Variants in RERG observed in about 807,000 individuals in gnomAD.
RERG encodes ras-related and estrogen-regulated growth inhibitor.
Under a neutral mutation model 23.2 loss-of-function variants are expected in RERG, and 25 were observed. The ratio of observed to expected loss-of-function variants is 1.08; its 90% CI spans 0.79 to 1.50. RERG has a LOEUF of 1.50. RERG is among the 40% of genes most tolerant of loss of function. The pLI is 0.00. For missense variants in RERG, 253 were observed against 250.1 expected, an observed-to-expected ratio of 1.01 and a Z score of -0.08; for synonymous variants, 81 against 89.1, an observed-to-expected ratio of 0.91 and a Z score of 0.51.
chr12:15,137,980 C>A, intron 2 of RERG: 1 of 371,470 alleles, frequency 2.7e-6, no homozygotes, highest in South Asian at 2.1e-5. Flanking sequence ...ATTTTTGTTG[C>A]CCAAGAAAGT....
chr12:15,215,268 G>A (rs1865424529), intron 2 of RERG, among the ~76,000 whole-genome samples: 1 of 152,194 alleles, frequency 6.6e-6, no homozygotes, highest in African/African-American at 2.4e-5. Context: ...TCAGCTTTGG[G>A]TGTGAGTAGC....
At chr12:15,177,532 A>C (rs1022990227) in intron 2 of RERG, among the ~76,000 whole-genome samples, 6 of 152,254 alleles carry the variant, frequency 3.9e-5, no homozygotes, top group African/African-American at 1.4e-4. Flanking sequence ...TGTTCATCTG[A>C]AATTCATACC....
chr12:15,181,064 C>A (rs1864916645), intron 2 of RERG, among the ~76,000 whole-genome samples: 1 of 152,092 alleles, frequency 6.6e-6, no homozygotes, highest in Non-Finnish European at 1.5e-5. Flanking sequence ...AGAAACCAAA[C>A]ACAGACATCA....
At chr12:15,215,120 G>T (rs1480906239) in intron 2 of RERG, among the ~76,000 whole-genome samples, 1 of 152,176 alleles carries the variant, frequency 6.6e-6, no homozygotes, top group Admixed American at 6.5e-5. Flanking sequence ...TGTATTCAAG[G>T]CAAATAGAGA....
chr12:15,139,014 C>CTTTTTTTTTTTTTTTTTT (rs34755371), intron 2 of RERG, among the ~76,000 whole-genome samples: 2 of 51,116 alleles, frequency 3.9e-5, no homozygotes, highest in African/African-American at 1.4e-4. Flanking sequence ...TGTGTCTAGA[C>CTTTTTTTTTTTTTTTTTT]TTTTTTTTTT....
At chr12:15,182,857 T>C (rs1864942738) in intron 2 of RERG, among the ~76,000 whole-genome samples, 1 of 152,096 alleles carries the variant, frequency 6.6e-6, no homozygotes, top group African/African-American at 2.4e-5. Context: ...GGTGGATCGC[T>C]TGAGGCCAGG....
chr12:15,190,164 A>G (rs1401900427), intron 2 of RERG, among the ~76,000 whole-genome samples: 1 of 152,166 alleles, frequency 6.6e-6, no homozygotes, highest in Non-Finnish European at 1.5e-5. Context: ...TAAGGGACAT[A>G]AGAAAGCATG....
At chr12:15,109,774 A>ATT (rs895180320) in intron 4 of RERG, among the ~76,000 whole-genome samples, 10 of 152,116 alleles carry the variant, frequency 6.6e-5, no homozygotes, top group Non-Finnish European at 1.5e-4. Context: ...TTTTCTTGCC[A>ATT]TATCATTAAA....
intron 3 of RERG, among the ~76,000 whole-genome samples, chr12:15,114,310 A>C (rs1863678919): frequency 6.6e-6 from 1 of 152,176 alleles, no homozygotes; most frequent in Non-Finnish European, 1.5e-5. Flanking sequence ...AAATAGGCTA[A>C]AGACTGGAGA....
At chr12:15,196,780 G>A (rs1057293406) in intron 2 of RERG, among the ~76,000 whole-genome samples, 7 of 152,120 alleles carry the variant, frequency 4.6e-5, no homozygotes, top group African/African-American at 9.7e-5. Context: ...CTGTACTAGA[G>A]AGGAAAGGCT....
intron 2 of RERG, among the ~76,000 whole-genome samples, chr12:15,204,512 T>C (rs1865258712): frequency 6.6e-6 from 1 of 151,816 alleles, no homozygotes; most frequent in Non-Finnish European, 1.5e-5. Flanking sequence ...ACTGGTCTTT[T>C]TCTCCTTCTA....
intron 2 of RERG, among the ~76,000 whole-genome samples, chr12:15,183,599 T>C (rs1864954173): frequency 6.6e-6 from 1 of 152,198 alleles, no homozygotes; most frequent in Non-Finnish European, 1.5e-5. Flanking sequence ...CCTCAAGTTA[T>C]GTAAAGTTTT....
At chr12:15,125,161 G>T (rs1017704866) in intron 2 of RERG, among the ~76,000 whole-genome samples, 3 of 151,978 alleles carry the variant, frequency 2.0e-5, no homozygotes, top group East Asian at 3.9e-4. Flanking sequence ...ACAAAAGTTT[G>T]CCAACTTTGG....
At chr12:15,184,950 A>G (rs913029699) in intron 2 of RERG, among the ~76,000 whole-genome samples, 9 of 152,184 alleles carry the variant, frequency 5.9e-5, no homozygotes, top group Admixed American at 5.9e-4. Flanking sequence ...TTCCAATGGA[A>G]AGTGACAAAA....
At chr12:15,184,090 T>C (rs927863542) in intron 2 of RERG, among the ~76,000 whole-genome samples, 1 of 152,164 alleles carries the variant, frequency 6.6e-6, no homozygotes, top group Admixed American at 6.6e-5. Context: ...AATGTGATGG[T>C]GAACGCAAAT....
intron 2 of RERG, among the ~76,000 whole-genome samples, chr12:15,167,784 C>A (rs17822184): frequency 0.069 from 10,432 of 152,092 alleles, 484 homozygotes; most frequent in East Asian, 0.25. Context: ...CTAATAAAGA[C>A]AAAAAAATCA....
At position 15,122,867 on chromosome 12, in the gene RERG, C is replaced by T. The variant is rs1048903785; in HGVS notation, c.62-1748G>A. Among the ~76,000 whole-genome samples the T allele has an allele frequency of 2.7e-5, 4 of 149,688 alleles. No homozygotes were observed. In the South Asian group the frequency reaches 8.6e-4, roughly 32 times the overall value. On this transcript the variant is annotated intron_variant, in intron 2 of 4. Coordinates refer to ENST00000256953, the MANE Select transcript of RERG (RefSeq NM_032918.3). ...AGGCTGGAGTGCAGTGGTATGATCT[C>T]GGCTCACTGCAATCTCCACCTTTCG...
rs1382724660 is a variant in RERG at position 15,196,538 on chromosome 12, T to C, written c.61+20891A>G. Among the ~76,000 whole-genome samples the C allele has an allele frequency of 2.0e-5, 3 of 152,166 alleles. No individual in the cohort carries two copies. In the East Asian group the frequency reaches 5.8e-4, roughly 29 times the overall value. On this transcript the variant is annotated intron_variant, in intron 2 of 4. Coordinates refer to ENST00000256953, the MANE Select transcript of RERG (RefSeq NM_032918.3). ...AGCCCTGGTATGAAGGTCAATCAGG[T>C]CCTCAGCTCCCAAGACTGTAGACCT...
intron 2 of RERG, among the ~76,000 whole-genome samples, chr12:15,143,704 A>C (rs1210981449): frequency 3.9e-5 from 6 of 152,180 alleles, no homozygotes; most frequent in Non-Finnish European, 7.3e-5. Flanking sequence ...ACAGGCAAAC[A>C]GATACTAAAA....
Sources: gnomAD v4.1 joint callset for allele counts (sites outside exome capture counted in the v4.1 genomes callset) on GRCh38, gnomAD v4.1.1 for gene constraint, MANE v1.5 for transcripts, NCBI Gene and HGNC (gene_info 2026-07-23, HGNC 2026-07-21) for gene names.